The following ZNF407 variants were observed in gnomAD, a reference collection of about 807,000 sequenced individuals.
The protein encoded by ZNF407 is zinc finger protein 407.
Under a neutral mutation model 131.2 loss-of-function variants are expected in ZNF407, and 17 were observed. The observed-to-expected ratio is 0.13, with a 90% CI of 0.09 to 0.19. The LOEUF is 0.19. Among genes scored for constraint, ZNF407 ranks in the 10% least tolerant of loss-of-function variants. The probability of loss-of-function intolerance (pLI) is 1.00; values close to 1 mark genes in which losing one functional copy is unlikely to be tolerated. For missense variants in ZNF407, 2,681 were observed against 2,830.6 expected, an observed-to-expected ratio of 0.95 and a Z score of 1.20; for synonymous variants, 1,156 against 1,062.0, an observed-to-expected ratio of 1.09 and a Z score of -1.72.
At chr18:75,008,880 A>G (rs1327205957) in intron 8 of ZNF407, among the ~76,000 whole-genome samples, 3 of 152,232 alleles carry the variant, frequency 2.0e-5, no homozygotes, top group Non-Finnish European at 4.4e-5. Context: ...CAGTGCATCT[A>G]GTGAATAGTT....
rs762507175 is a variant in ZNF407 at position 74,727,505 on chromosome 18, T to C, written c.4803-53923T>C. Among the ~76,000 whole-genome samples, 213 of 152,288 alleles carry C rather than the reference T, an allele frequency of 1.4e-3. 1 individual carries two copies. The highest frequency in any genetic ancestry group is 1.9e-3 in the Non-Finnish European group (131 of 68,024). On this transcript the variant is annotated intron_variant, in intron 3 of 8. Transcript: ENST00000299687. ...CTCCGGGACACAGCCTGTAATGCAG[T>C]ACATTGCTGTTTCTCTGGCAGCACA...
intron 8 of ZNF407, among the ~76,000 whole-genome samples, chr18:74,963,986 A>T (rs1972379106): frequency 6.6e-6 from 1 of 152,204 alleles, no homozygotes; most frequent in Non-Finnish European, 1.5e-5. Context: ...ACCTTGAGTG[A>T]ATAGAAATAT....
intron 8 of ZNF407, among the ~76,000 whole-genome samples, chr18:74,975,865 C>T (rs1972522365): frequency 6.6e-6 from 1 of 152,038 alleles, no homozygotes; most frequent in Non-Finnish European, 1.5e-5. Flanking sequence ...ATAAGATTTC[C>T]TTTTCTATTG....
intron 3 of ZNF407, among the ~76,000 whole-genome samples, chr18:74,655,908 TTA>T (rs1394237829): frequency 5.9e-5 from 9 of 152,178 alleles, no homozygotes; most frequent in African/African-American, 2.2e-4. Flanking sequence ...AACTGCCAAT[TTA>T]TATGGCTGGC....
At chr18:74,627,778 T>TC (rs1983851145) in intron 1 of ZNF407, among the ~76,000 whole-genome samples, 4 of 132,584 alleles carry the variant, frequency 3.0e-5, no homozygotes, top group African/African-American at 1.3e-4. Context: ...TTTTCTCTCT[T>TC]TCTCTCTCTC....
chr18:75,006,793 A>T (rs1447317018), intron 8 of ZNF407, among the ~76,000 whole-genome samples: 5 of 152,108 alleles, frequency 3.3e-5, no homozygotes, highest in Non-Finnish European at 7.4e-5. Flanking sequence ...TGAGAGAGGC[A>T]TGTTGAAGTT....
intron 4 of ZNF407, among the ~76,000 whole-genome samples, chr18:74,799,319 G>C (rs1443947071): frequency 6.6e-6 from 1 of 152,092 alleles, no homozygotes; most frequent in Non-Finnish European, 1.5e-5. Flanking sequence ...GACAGAAACA[G>C]TCTCAGCACT....
At chr18:74,659,582 G>C (rs1985623419) in intron 3 of ZNF407, among the ~76,000 whole-genome samples, 1 of 152,076 alleles carries the variant, frequency 6.6e-6, no homozygotes, top group Admixed American at 6.5e-5. Context: ...GAAACAAATA[G>C]ATAAAACATT....
chr18:74,817,631 T>C (rs1970285355), intron 4 of ZNF407, among the ~76,000 whole-genome samples: 1 of 152,224 alleles, frequency 6.6e-6, no homozygotes, highest in Non-Finnish European at 1.5e-5. Context: ...TATGACACTA[T>C]TTAAGATATT....
intron 3 of ZNF407, among the ~76,000 whole-genome samples, chr18:74,739,954 T>C (rs1968510082): frequency 6.6e-6 from 1 of 152,218 alleles, no homozygotes; most frequent in South Asian, 2.1e-4. Context: ...CAGTTTTGAA[T>C]ATACTAAGTC....
chr18:74,650,684 AG>A (rs1242625582), intron 3 of ZNF407, among the ~76,000 whole-genome samples: 1 of 152,168 alleles, frequency 6.6e-6, no homozygotes, highest in Non-Finnish European at 1.5e-5. Flanking sequence ...CATAGGGCCT[AG>A]GTGGCATTTT....
chr18:74,913,052 G>T (rs1178560808), intron 7 of ZNF407, among the ~76,000 whole-genome samples: 2 of 152,108 alleles, frequency 1.3e-5, no homozygotes, highest in Non-Finnish European at 2.9e-5. Context: ...CAAAAATTTG[G>T]TAGCCCCCTA....
chr18:74,641,162 A>G (rs772356394), intron 3 of ZNF407, 40 bp downstream of exon 3: 2 of 1,508,424 alleles, frequency 1.3e-6, no homozygotes, highest in Non-Finnish European at 1.8e-6. Flanking sequence ...TGAACCAGGA[A>G]GCATGTGCAG....
intron 4 of ZNF407, among the ~76,000 whole-genome samples, chr18:74,836,643 G>C (rs1267887162): frequency 6.6e-6 from 1 of 152,112 alleles, no homozygotes; most frequent in Non-Finnish European, 1.5e-5. Flanking sequence ...ATCTCTTTAG[G>C]TGTTTGATGG....
At chr18:74,902,844 CGTA>C (rs1051108127) in intron 7 of ZNF407, among the ~76,000 whole-genome samples, 28 of 152,296 alleles carry the variant, frequency 1.8e-4, no homozygotes, top group Middle Eastern at 3.4e-3. Context: ...CCTATGGCAA[CGTA>C]GTATAAATAT....
chr18:74,853,135 T>G (rs551908833), intron 4 of ZNF407, among the ~76,000 whole-genome samples: 1 of 152,228 alleles, frequency 6.6e-6, no homozygotes, highest in South Asian at 2.1e-4. Context: ...TGTACATCTT[T>G]GCTACACTAG....
At chr18:74,949,711 G>A (rs1972192143) in intron 8 of ZNF407, among the ~76,000 whole-genome samples, 1 of 152,006 alleles carries the variant, frequency 6.6e-6, no homozygotes, top group Non-Finnish European at 1.5e-5. Context: ...ATTTTTTACA[G>A]GAGATTGGGG....
At chr18:74,670,455 G>A (rs1017268118) in intron 3 of ZNF407, among the ~76,000 whole-genome samples, 2 of 152,016 alleles carry the variant, frequency 1.3e-5, no homozygotes, top group African/African-American at 2.4e-5. Flanking sequence ...GATATGATTC[G>A]AATAAGCAAC....
chr18:74,947,516 G>A (rs74490068), intron 8 of ZNF407, among the ~76,000 whole-genome samples: 2,352 of 152,268 alleles, frequency 0.015, 64 homozygotes, highest in African/African-American at 0.052. Context: ...ATTTTAGGAC[G>A]TGAAAGTAAC....
Sources: allele counts gnomAD v4.1 joint callset (sites outside exome capture counted in the v4.1 genomes callset), GRCh38; gene constraint gnomAD v4.1.1; transcripts MANE v1.5; gene names NCBI Gene and HGNC (gene_info 2026-07-23, HGNC 2026-07-21).